The following TRAPPC10 variants were observed in gnomAD, a reference collection of about 807,000 sequenced individuals.
TRAPPC10 encodes the protein trafficking protein particle complex subunit 10, also known as TRAPP 130 kDa subunit.
TRAPPC10 carries 23 observed loss-of-function variants against 125.5 expected under a neutral mutation model. The ratio of observed to expected loss-of-function variants is 0.18; its 90% confidence interval spans 0.13 to 0.26. The LOEUF is 0.26. TRAPPC10 is among the 10% of genes least tolerant of loss of function. The pLI, the probability that TRAPPC10 is intolerant of heterozygous loss-of-function variation, is 1.00. For missense variants in TRAPPC10, 1,123 were observed against 1,308.4 expected, an observed-to-expected ratio of 0.86 and a Z score of 2.19; for synonymous variants, 509 against 518.0, an observed-to-expected ratio of 0.98 and a Z score of 0.24.
In TRAPPC10 at chr21:44,074,474, C is replaced by T. The variant is rs767462894; in HGVS notation, c.1185+4C>T. On this transcript the variant is annotated splice_donor_region_variant and intron_variant, in intron 8 of 22. Coordinates refer to ENST00000291574, the MANE Select transcript of TRAPPC10 (RefSeq NM_003274.5). ...ATGGAGCTATGCCACAGAAAAGGTGCCTACCTGCCCAAGTGTGGAATGCTC... is the reference window on the plus strand; with the variant it reads ...ATGGAGCTATGCCACAGAAAAGGTGTCTACCTGCCCAAGTGTGGAATGCTC... The T allele has an allele frequency of 4.3e-6, 7 of 1,614,062 alleles. No homozygotes were observed. The highest frequency in any genetic ancestry group is 5.9e-6 in the Non-Finnish European group (7 of 1,179,930).
Position 44,087,898 on chromosome 21 carries a change from T to C in TRAPPC10, c.2739T>C (p.Thr913=). ...GGAAGCATAAGGACAAACAGAGAAC[T>C]GGCCGCTGCATGGTTACCACAGACC... The part of the protein sequence containing the change: ...PHRKHKDKQR[T]GRCMVTTDHK... Residue 913 remains threonine (T), a synonymous_variant, in exon 17 of 23, where the codon ACT becomes ACC. Transcript: ENST00000291574. This position sits in a 1 kb window ranked among gnomAD's most constrained non-coding sequence, Gnocchi z 4.6. 2 of 1,614,066 alleles carry C rather than the reference T, an allele frequency of 1.2e-6. No homozygotes were observed. Among genetic ancestry groups the C allele is most frequent in the Non-Finnish European group, 8.5e-7 (1 of 1,180,018 alleles).
rs770813632 is a variant in TRAPPC10 at position 44,083,006 on chromosome 21, C to G, written c.1942C>G (p.His648Asp). The change falls in exon 14 of 23, where the codon CAC becomes GAC. Residue 648 changes from histidine to aspartate, a missense_variant. His to Asp is a moderately conservative substitution (Grantham distance 81). Transcript: ENST00000291574. ...GAAGACTGCGGAGTGGCTTACCAAG[C>G]ACAAGACGTCCAATGGGATCATTAA... ...YRKTAEWLTK[H>D]KTSNGIINFP... 3.1e-6 allele frequency: 5 copies of G among 1,614,090 alleles called. No homozygotes were observed. In the Admixed American group the frequency reaches 8.3e-5, roughly 27 times the overall value.
At chr21:44,069,308 G>T (rs533127309) in intron 7 of TRAPPC10, among the ~76,000 whole-genome samples, 1 of 152,306 alleles carries the variant, frequency 6.6e-6, no homozygotes, top group African/African-American at 2.4e-5. Flanking sequence ...AGGGCGTACT[G>T]TGAAGAACTC....
intron 17 of TRAPPC10, 93 bp downstream of exon 17, chr21:44,088,021 C>T: frequency 9.4e-7 from 1 of 1,067,222 alleles, no homozygotes; most frequent in Non-Finnish European, 1.4e-6. Flanking sequence ...TGCTGTTAGC[C>T]TGGCTCCTTC....
intron 7 of TRAPPC10, among the ~76,000 whole-genome samples, chr21:44,073,412 A>C (rs80009900): frequency 0.017 from 2,635 of 152,340 alleles, 77 homozygotes; most frequent in African/African-American, 0.059. Flanking sequence ...ATTGCCACTT[A>C]AAAGTGTAAG....
intron 1 of TRAPPC10, among the ~76,000 whole-genome samples, chr21:44,029,187 C>T (rs1285338738): frequency 5.9e-5 from 9 of 152,172 alleles, no homozygotes; most frequent in African/African-American, 1.4e-4. Context: ...CTCCGCCTCC[C>T]GGGTTCACAC....
intron 4 of TRAPPC10, among the ~76,000 whole-genome samples, 190 bp downstream of exon 4, chr21:44,052,666 C>T (rs2035302849): frequency 6.6e-6 from 1 of 151,958 alleles, no homozygotes; most frequent in Non-Finnish European, 1.5e-5. Context: ...AGCAGTCATC[C>T]CCCGAGTGTG....
intron 3 of TRAPPC10, among the ~76,000 whole-genome samples, chr21:44,044,700 C>T (rs1335116371): frequency 1.7e-5 from 2 of 119,782 alleles, no homozygotes; most frequent in African/African-American, 3.4e-5. Flanking sequence ...GAGTTTCGCT[C>T]TTGTCCAGGC....
chr21:44,072,063 G>C (rs1353974013), intron 7 of TRAPPC10, among the ~76,000 whole-genome samples: 1 of 152,208 alleles, frequency 6.6e-6, no homozygotes, highest in Admixed American at 6.5e-5. Flanking sequence ...GCTACCTGAT[G>C]CTGCTACTTT....
intron 7 of TRAPPC10, among the ~76,000 whole-genome samples, chr21:44,070,024 C>G (rs1395327492): frequency 6.6e-6 from 1 of 151,838 alleles, no homozygotes; most frequent in African/African-American, 2.4e-5. Flanking sequence ...TTTTTGATTC[C>G]TTGTGTCTGA....
chr21:44,070,429 A>T (rs2036778225), intron 7 of TRAPPC10, among the ~76,000 whole-genome samples: 1 of 152,246 alleles, frequency 6.6e-6, no homozygotes, highest in Admixed American at 6.5e-5. Flanking sequence ...GGAGACGGTG[A>T]GGCCACCACC....
At chr21:44,092,487 G>T (rs2038654202) in intron 19 of TRAPPC10, among the ~76,000 whole-genome samples, 1 of 152,186 alleles carries the variant, frequency 6.6e-6, no homozygotes, top group African/African-American at 2.4e-5. Flanking sequence ...TCGCTGCCTG[G>T]ATGAATCTTG....
At chr21:44,037,961 G>A in intron 3 of TRAPPC10, 34 bp downstream of exon 3, 1 of 1,607,226 alleles carries the variant, frequency 6.2e-7, no homozygotes, top group African/African-American at 1.3e-5. Flanking sequence ...ATGCGCGGTG[G>A]GATGGGGTTG....
intron 1 of TRAPPC10, among the ~76,000 whole-genome samples, chr21:44,030,356 A>G (rs1262508618): frequency 6.6e-6 from 1 of 152,232 alleles, no homozygotes; most frequent in East Asian, 1.9e-4. Context: ...AATGATTTTT[A>G]TACATTAATC....
intron 7 of TRAPPC10, among the ~76,000 whole-genome samples, chr21:44,073,063 G>C (rs1032390855): frequency 2.0e-5 from 3 of 152,216 alleles, no homozygotes; most frequent in African/African-American, 7.2e-5. Context: ...GTTTGGGTGA[G>C]AGAGTTGTGC....
At chr21:44,065,305 C>T (rs1165181270) in intron 7 of TRAPPC10, among the ~76,000 whole-genome samples, 1 of 152,118 alleles carries the variant, frequency 6.6e-6, no homozygotes, top group Admixed American at 6.5e-5. Flanking sequence ...GGTCTGTTGG[C>T]TCCTCTAGGT....
chr21:44,069,180 G>C (rs958815960), intron 7 of TRAPPC10, among the ~76,000 whole-genome samples: 1 of 152,194 alleles, frequency 6.6e-6, no homozygotes, highest in Non-Finnish European at 1.5e-5. Context: ...TCCTGCATTA[G>C]ACTACGTAAA....
In TRAPPC10 at chr21:44,059,629, CT is replaced by C; in HGVS notation, c.790+418del. On this transcript the variant is annotated intron_variant, in intron 6 of 22. Transcript: ENST00000291574. This position sits in a 1 kb window ranked among gnomAD's most constrained non-coding sequence, Gnocchi z 4.4. ...TTATAAAATGCCCTTGGGTGTTCAT[CT>C]TTCTTTTGCACTTTTAAATAATATC... The C allele has an allele frequency of 1.6e-6, 1 of 618,760 alleles. No individual in the cohort carries two copies. The highest frequency in any genetic ancestry group is 2.9e-6 in the Non-Finnish European group (1 of 339,334). 38.3% of individuals were successfully genotyped at this position (618,760 alleles called of 1,614,324 possible). A position where few individuals can be genotyped will look rare whatever the true frequency, so the allele number is the denominator to read the frequency against.
intron 17 of TRAPPC10, chr21:44,088,141 C>T: frequency 3.4e-6 from 2 of 580,370 alleles, no homozygotes; most frequent in Admixed American, 3.0e-5. Flanking sequence ...CCAGCTCTAC[C>T]TTTCCCTCTC....
Sources: allele counts gnomAD v4.1 joint callset (sites outside exome capture counted in the v4.1 genomes callset), GRCh38; gene constraint gnomAD v4.1.1; non-coding constraint Gnocchi (gnomAD v3.1); transcripts MANE v1.5; gene names NCBI Gene and HGNC (gene_info 2026-07-23, HGNC 2026-07-21).